Variants in DPP10 observed in about 807,000 individuals in gnomAD.
DPP10 encodes the protein inactive dipeptidyl peptidase 10.
DPP10 carries 33 observed loss-of-function variants against 120.9 expected under a neutral mutation model. That is an observed-to-expected ratio of 0.27 (90% CI 0.21 to 0.37). DPP10 has a LOEUF of 0.37. DPP10 is among the 10% of genes least tolerant of loss of function. The probability of loss-of-function intolerance (pLI) is 1.00; values close to 1 mark genes in which losing one functional copy is unlikely to be tolerated. For synonymous variants in DPP10, 337 were observed against 326.1 expected, an observed-to-expected ratio of 1.03 and a Z score of -0.36; for missense variants, 816 against 942.8, an observed-to-expected ratio of 0.87 and a Z score of 1.76.
intron 1 of DPP10, among the ~76,000 whole-genome samples, chr2:114,533,864 G>A (rs1253890570): frequency 2.0e-5 from 3 of 152,116 alleles, no homozygotes; most frequent in Non-Finnish European, 4.4e-5. Flanking sequence ...GAAGCTTATA[G>A]AATTGTGATT....
chr2:115,279,740 C>A (rs1244904415), intron 1 of DPP10, among the ~76,000 whole-genome samples: 11 of 123,290 alleles, frequency 8.9e-5, no homozygotes, highest in East Asian at 2.8e-4. Context: ...TGGCTCACTG[C>A]AACTTCTGCC....
intron 1 of DPP10, among the ~76,000 whole-genome samples, chr2:114,471,992 G>T (rs905569647): frequency 5.3e-5 from 8 of 152,212 alleles, no homozygotes; most frequent in African/African-American, 1.9e-4. Flanking sequence ...TTTAAAAGCA[G>T]TAAACTTCGA....
intron 3 of DPP10, among the ~76,000 whole-genome samples, chr2:115,461,583 C>T (rs1416575325): frequency 1.3e-5 from 2 of 152,078 alleles, no homozygotes; most frequent in East Asian, 1.9e-4. Context: ...GATGTCTTAA[C>T]CAGTTTGATT....
intron 1 of DPP10, among the ~76,000 whole-genome samples, chr2:114,593,710 G>A (rs1015593752): frequency 6.6e-6 from 1 of 152,082 alleles, no homozygotes; most frequent in African/African-American, 2.4e-5. Flanking sequence ...CCTAGCAAAC[G>A]GGTCTAGCTT....
chr2:114,887,598 C>A (rs1364126397), intron 1 of DPP10, among the ~76,000 whole-genome samples: 2 of 152,160 alleles, frequency 1.3e-5, no homozygotes, highest in Non-Finnish European at 2.9e-5. Context: ...AAGTGGAAAT[C>A]CTTCATCTGT....
At chr2:115,328,788 T>G (rs2062518719) in intron 2 of DPP10, among the ~76,000 whole-genome samples, 1 of 152,134 alleles carries the variant, frequency 6.6e-6, no homozygotes, top group Non-Finnish European at 1.5e-5. Context: ...CTTAGAACAC[T>G]GCTGGATATA....
intron 1 of DPP10, among the ~76,000 whole-genome samples, chr2:115,021,860 G>T (rs1703100676): frequency 6.6e-6 from 1 of 151,990 alleles, no homozygotes; most frequent in South Asian, 2.1e-4. Context: ...ATTAACATCT[G>T]CAAGTCAACA....
intron 1 of DPP10, among the ~76,000 whole-genome samples, chr2:115,120,715 T>C (rs1369679672): frequency 6.6e-6 from 1 of 152,230 alleles, no homozygotes; most frequent in Non-Finnish European, 1.5e-5. Flanking sequence ...AATTTGTTTA[T>C]GACTTACATA....
At chr2:114,654,213 C>T (rs1334013128) in intron 1 of DPP10, among the ~76,000 whole-genome samples, 5 of 152,150 alleles carry the variant, frequency 3.3e-5, no homozygotes, top group Non-Finnish European at 7.3e-5. Context: ...TCTGTTTCTG[C>T]TTCTACTTAG....
At position 115,643,090 on chromosome 2, in the gene DPP10, T is replaced by A. The variant is rs554888787; in HGVS notation, c.442-46597T>A. ...AAGGAGAAATTCAATGTAGCTCATT[T>A]CTTCAGGTTTACTAATTAAAGTCAG... On this transcript the variant is annotated intron_variant, in intron 5 of 25. Transcript: ENST00000410059. 3.3e-5 allele frequency among the ~76,000 whole-genome samples: 5 copies of A among 152,226 alleles called. No homozygotes were observed. The South Asian group carries it at 1.0e-3, about 32-fold the overall frequency.
chr2:114,529,138 A>T (rs79855033), intron 1 of DPP10, among the ~76,000 whole-genome samples: 3,158 of 152,160 alleles, frequency 0.021, 113 homozygotes, highest in African/African-American at 0.072. Flanking sequence ...AGGCTTTGGT[A>T]AACTGCCCCT....
chr2:114,628,015 T>C (rs780107808), intron 1 of DPP10, among the ~76,000 whole-genome samples: 3 of 152,140 alleles, frequency 2.0e-5, no homozygotes, highest in Non-Finnish European at 4.4e-5. Context: ...TGCAGATTAC[T>C]GATGAAAACA....
intron 4 of DPP10, among the ~76,000 whole-genome samples, chr2:115,505,066 C>A (rs747976420): frequency 1.3e-5 from 2 of 151,992 alleles, no homozygotes; most frequent in African/African-American, 2.4e-5. Flanking sequence ...TTAGATTCTA[C>A]TAACTAATTT....
intron 5 of DPP10, among the ~76,000 whole-genome samples, chr2:115,527,293 G>C (rs189389330): frequency 2.4e-4 from 36 of 152,012 alleles, no homozygotes; most frequent in African/African-American, 8.2e-4. Context: ...TCAACAACTA[G>C]TGCCAGAACA....
chr2:114,772,270 G>A (rs542372996), intron 1 of DPP10, among the ~76,000 whole-genome samples: 2 of 151,810 alleles, frequency 1.3e-5, no homozygotes, highest in Non-Finnish European at 2.9e-5. Context: ...CTATTCTCCT[G>A]CCTCAGCCCA....
At chr2:115,491,882 A>G (rs1405517258) in intron 3 of DPP10, among the ~76,000 whole-genome samples, 1 of 152,158 alleles carries the variant, frequency 6.6e-6, no homozygotes, top group African/African-American at 2.4e-5. Flanking sequence ...GGGTAGGGGT[A>G]GAGGAATTTG....
chr2:115,042,605 C>T (rs1051672804), intron 1 of DPP10, among the ~76,000 whole-genome samples: 11 of 152,138 alleles, frequency 7.2e-5, no homozygotes, highest in Non-Finnish European at 1.3e-4. Flanking sequence ...TATTGATGCA[C>T]GGAGTGTTAG....
At chr2:115,187,862 C>CAA (rs1226365348) in intron 1 of DPP10, among the ~76,000 whole-genome samples, 1 of 151,780 alleles carries the variant, frequency 6.6e-6, no homozygotes, top group African/African-American at 2.4e-5. Context: ...AACAAACAAA[C>CAA]AAAAAAATTA....
intron 2 of DPP10, among the ~76,000 whole-genome samples, chr2:115,323,365 A>C (rs1344767642): frequency 6.6e-6 from 1 of 152,100 alleles, no homozygotes; most frequent in African/African-American, 2.4e-5. Flanking sequence ...TTTAATTCAA[A>C]TTCTCTTGCT....
Sources: gnomAD v4.1 joint callset for allele counts (sites outside exome capture counted in the v4.1 genomes callset) on GRCh38, gnomAD v4.1.1 for gene constraint, MANE v1.5 for transcripts, NCBI Gene and HGNC (gene_info 2026-07-23, HGNC 2026-07-21) for gene names.